The following DGKB variants were observed in gnomAD, a reference collection of about 807,000 sequenced individuals.
The protein encoded by DGKB is 90 kDa diacylglycerol kinase.
A neutral mutation model predicts 114.3 loss-of-function variants in DGKB; 67 were observed. That is an observed-to-expected ratio of 0.59 (90% CI 0.48 to 0.72). The LOEUF is 0.72. Ranked by LOEUF, DGKB falls within the 30% of genes least tolerant of loss-of-function variation. The pLI, the probability that DGKB is intolerant of heterozygous loss-of-function variation, is 0.00. For synonymous variants in DGKB, 398 were observed against 323.1 expected (o/e 1.23, Z -2.49); for missense variants, 907 against 975.2 (o/e 0.93, Z 0.93).
chr7:14,952,959 G>T (rs1324379592), intron 1 of DGKB, among the ~76,000 whole-genome samples: 1 of 151,914 alleles, frequency 6.6e-6, no homozygotes, highest in East Asian at 1.9e-4. Context: ...AATTCAGTGG[G>T]GGAAATACGG....
intron 20 of DGKB, among the ~76,000 whole-genome samples, chr7:14,523,386 G>A (rs902146481): frequency 2.6e-5 from 4 of 152,132 alleles, no homozygotes; most frequent in Non-Finnish European, 4.4e-5. Flanking sequence ...ATGAGCCATA[G>A]CCATGCATGC....
intron 19 of DGKB, among the ~76,000 whole-genome samples, chr7:14,575,885 AC>A (rs1197378023): frequency 2.0e-5 from 3 of 152,124 alleles, no homozygotes; most frequent in Non-Finnish European, 4.4e-5. Context: ...GAAAACAGGC[AC>A]TCTCATATAC....
intron 21 of DGKB, among the ~76,000 whole-genome samples, chr7:14,413,428 A>T (rs572499033): frequency 6.6e-6 from 1 of 152,266 alleles, no homozygotes; most frequent in African/African-American, 2.4e-5. Flanking sequence ...TTTTCAAAAT[A>T]TTCAAGAGGA....
intron 2 of DGKB, among the ~76,000 whole-genome samples, chr7:14,828,708 A>T (rs1458792155): frequency 1.3e-5 from 2 of 152,174 alleles, no homozygotes; most frequent in African/African-American, 4.8e-5. Context: ...CTCTGAGAAA[A>T]GTGTAAGCAG....
intron 23 of DGKB, among the ~76,000 whole-genome samples, chr7:14,266,700 C>G (rs1000871826): frequency 3.9e-5 from 6 of 152,170 alleles, no homozygotes; most frequent in Non-Finnish European, 8.8e-5. Flanking sequence ...TCATTCCACT[C>G]TATCAATTTA....
At chr7:14,252,668 C>G (rs1795412853) in intron 23 of DGKB, among the ~76,000 whole-genome samples, 1 of 152,122 alleles carries the variant, frequency 6.6e-6, no homozygotes, top group African/African-American at 2.4e-5. Context: ...AGGCCTGAAG[C>G]CTTGGACCGT....
intron 5 of DGKB, among the ~76,000 whole-genome samples, chr7:14,720,369 A>G (rs1234078248): frequency 6.6e-6 from 1 of 151,472 alleles, no homozygotes; most frequent in Non-Finnish European, 1.5e-5. Context: ...CAATGGTGCG[A>G]TCTTGGCTCA....
chr7:14,908,431 A>G (rs1017506960), intron 1 of DGKB, among the ~76,000 whole-genome samples: 12 of 152,170 alleles, frequency 7.9e-5, no homozygotes, highest in Non-Finnish European at 1.6e-4. Flanking sequence ...ATGGACTTGT[A>G]TCAAATAATC....
chr7:14,587,437 G>A (rs1800962168), intron 17 of DGKB, among the ~76,000 whole-genome samples: 1 of 152,082 alleles, frequency 6.6e-6, no homozygotes. Context: ...TAGTAAAGAT[G>A]CTGTGAACAC....
chr7:14,930,578 T>C (rs934822383), intron 1 of DGKB, among the ~76,000 whole-genome samples: 10 of 152,222 alleles, frequency 6.6e-5, no homozygotes, highest in Non-Finnish European at 1.5e-4. Context: ...TTTTGCTGAA[T>C]TCATTTATCA....
rs1230676932 is a variant in DGKB at position 14,769,276 on chromosome 7, A to AAGAAAGAAAGAAAG, written c.71-11546_71-11545insCTTTCTTTCTTTCT. Among the ~76,000 whole-genome samples the AAGAAAGAAAGAAAG allele has an allele frequency of 4.0e-5, 3 of 74,314 alleles. 1 individual carries two copies. The highest frequency in any genetic ancestry group is 3.8e-4 in the African/African-American group (3 of 7,900). The allele number at this position is 74,314 out of a possible 152,430, so 48.8% of individuals were successfully genotyped here. ...AAAGAAAGAAAGAAAGAAAGAAAGA[A>AAGAAAGAAAGAAAG]AGAAAGATTTTGTAAAGGAGTTTAG... is the stretch of plus-strand genomic sequence containing the variant. On this transcript the variant is annotated intron_variant, in intron 2 of 25. Transcript: ENST00000402815.
At chr7:14,748,933 A>G (rs1247087760) in intron 4 of DGKB, among the ~76,000 whole-genome samples, 1 of 152,196 alleles carries the variant, frequency 6.6e-6, no homozygotes, top group African/African-American at 2.4e-5. Flanking sequence ...CTGAGTACCT[A>G]TATGTGTAAA....
Position 14,852,487 on chromosome 7 carries a change from C to CAAAAACAAAAAAACAAACAA in DGKB, c.-187-11038_-187-11037insTTGTTTGTTTTTTTGTTTTT, listed in dbSNP as rs1554304205. Among the ~76,000 whole-genome samples the CAAAAACAAAAAAACAAACAA allele has an allele frequency of 1.2e-3, 76 of 63,640 alleles. 9 individuals carry two copies. Among genetic ancestry groups the CAAAAACAAAAAAACAAACAA allele is most frequent in the Non-Finnish European group, 2.0e-3 (66 of 33,832 alleles). 41.8% of individuals were successfully genotyped at this position (63,640 alleles called of 152,430 possible). On this transcript the variant is annotated intron_variant, in intron 1 of 25. Transcript: ENST00000402815. The stretch of plus-strand genomic sequence containing the variant: ...GAGGAATAGCTAAAATAGTGAAAGT[C>CAAAAACAAAAAAACAAACAA]AAAAAAAAAACAGAAATCAAGCATA...
chr7:14,757,005 C>T (rs886517410), intron 3 of DGKB, among the ~76,000 whole-genome samples: 1 of 151,906 alleles, frequency 6.6e-6, no homozygotes, highest in Non-Finnish European at 1.5e-5. Context: ...TATTCAAAAG[C>T]AATTGACAAG....
intron 4 of DGKB, among the ~76,000 whole-genome samples, chr7:14,749,684 A>AT (rs1833845489): frequency 1.3e-5 from 2 of 152,206 alleles, no homozygotes; most frequent in South Asian, 4.1e-4. Flanking sequence ...CACACCAAAC[A>AT]TTTTTTGGTG....
At chr7:14,722,466 T>G (rs542748136) in intron 5 of DGKB, among the ~76,000 whole-genome samples, 110 of 152,246 alleles carry the variant, frequency 7.2e-4, no homozygotes, top group African/African-American at 2.5e-3. Context: ...ATTGTCTGGA[T>G]GTACTACAGT....
intron 1 of DGKB, among the ~76,000 whole-genome samples, chr7:14,957,800 G>A (rs1786597579): frequency 6.6e-6 from 1 of 151,806 alleles, no homozygotes; most frequent in African/African-American, 2.4e-5. Context: ...TAGTGTACCT[G>A]AAATTATTTA....
chr7:14,511,505 A>C (rs1320332388), intron 20 of DGKB, among the ~76,000 whole-genome samples: 1 of 152,208 alleles, frequency 6.6e-6, no homozygotes, highest in East Asian at 1.9e-4. Flanking sequence ...ACTTAAGGAA[A>C]TGTAGCTAGT....
chr7:14,897,435 A>C (rs1782281199), intron 1 of DGKB, among the ~76,000 whole-genome samples: 1 of 151,888 alleles, frequency 6.6e-6, no homozygotes, highest in South Asian at 2.1e-4. Flanking sequence ...TTGAATTAAA[A>C]TCAGTGTGTT....
Sources: allele counts gnomAD v4.1 joint callset (sites outside exome capture counted in the v4.1 genomes callset), GRCh38; gene constraint gnomAD v4.1.1; transcripts MANE v1.5; gene names NCBI Gene and HGNC (gene_info 2026-07-23, HGNC 2026-07-21).